MTA3: variants seen among roughly 807,000 people sequenced by gnomAD.
MTA3 encodes metastasis-associated protein MTA3.
Under a neutral mutation model 83.5 loss-of-function variants are expected in MTA3, and 34 were observed. The ratio of observed to expected loss-of-function variants is 0.41; its 90% CI spans 0.31 to 0.54. The LOEUF is 0.54. MTA3 is among the 20% of genes least tolerant of loss of function. MTA3 has a pLI of 0.33. For synonymous variants in MTA3, 303 were observed against 252.7 expected (o/e 1.20, Z -1.89); for missense variants, 761 against 726.4 (o/e 1.05, Z -0.55).
intron 8 of MTA3, among the ~76,000 whole-genome samples, chr2:42,674,608 T>C (rs1483285203): frequency 1.3e-5 from 2 of 149,868 alleles, no homozygotes; most frequent in East Asian, 1.9e-4. Flanking sequence ...TTTTTTTTTT[T>C]TTTTTTTTTG....
chr2:42,519,097 A>G (rs530614065), intron 2 of MTA3, among the ~76,000 whole-genome samples: 1 of 152,136 alleles, frequency 6.6e-6, no homozygotes, highest in Admixed American at 6.6e-5. Flanking sequence ...TACCCCAGCC[A>G]GTTGATCAAG....
intron 3 of MTA3, among the ~76,000 whole-genome samples, chr2:42,582,776 T>G (rs1679818529): frequency 6.6e-6 from 1 of 152,186 alleles, no homozygotes; most frequent in South Asian, 2.1e-4. Flanking sequence ...GAAAATTAAT[T>G]TATTCATAAT....
intron 2 of MTA3, among the ~76,000 whole-genome samples, chr2:42,545,524 T>C (rs1243028173): frequency 1.3e-5 from 2 of 151,984 alleles, no homozygotes; most frequent in African/African-American, 4.8e-5. Context: ...GGTTCCCAGA[T>C]AGAATCAATG....
chr2:42,695,253 C>T (rs868087219), intron 9 of MTA3, among the ~76,000 whole-genome samples: 18 of 151,938 alleles, frequency 1.2e-4, no homozygotes, highest in African/African-American at 4.1e-4. Flanking sequence ...GTTTGGGGTA[C>T]CGTTTGCTAA....
chr2:42,629,018 T>C (rs547114790), intron 4 of MTA3, among the ~76,000 whole-genome samples: 2 of 152,300 alleles, frequency 1.3e-5, no homozygotes, highest in South Asian at 4.1e-4. Flanking sequence ...AGGGATGGTA[T>C]ATCCAGTTTG....
At position 42,646,030 on chromosome 2, in the gene MTA3, C is replaced by A. The variant is rs186831206; in HGVS notation, c.499+1786C>A. ...TTGAAGCCAATCCTCGTTTACCATT[C>A]CAAAAATCCCAGACCTCTTAAGAAT... On this transcript the variant is annotated intron_variant, in intron 6 of 16. Coordinates refer to ENST00000405094, the MANE Select transcript of MTA3 (RefSeq NM_001330442.2). Among the ~76,000 whole-genome samples, 10 of 152,318 alleles carry A rather than the reference C, an allele frequency of 6.6e-5. No homozygotes were observed. The East Asian group carries it at 1.7e-3, about 26-fold the overall frequency.
chr2:42,594,728 A>ATATATATATATATATTTTTTTTTTTTTT, intron 3 of MTA3, among the ~76,000 whole-genome samples: 1 of 24,042 alleles, frequency 4.2e-5, no homozygotes, highest in Non-Finnish European at 6.5e-5. Context: ...ATATATATAT[A>ATATATATATATATATTTTTTTTTTTTTT]TTTTTTTTTT....
intron 2 of MTA3, among the ~76,000 whole-genome samples, chr2:42,528,294 C>CA (rs1675810035): frequency 6.7e-6 from 1 of 149,678 alleles, no homozygotes; most frequent in African/African-American, 2.5e-5. Context: ...GATCTCGGCT[C>CA]CTGCAGCCTC....
Position 42,728,299 on chromosome 2 carries a change from C to G in MTA3, c.1759+5264C>G, listed in dbSNP as rs137966432. 4.1e-4 allele frequency among the ~76,000 whole-genome samples: 63 copies of G among 152,228 alleles called. No homozygotes were observed. The East Asian group carries it at 0.012, about 29-fold the overall frequency. On this transcript the variant is annotated intron_variant, in intron 16 of 16. Transcript: ENST00000405094. ...ATTCTTTTTTGTCTGAATAGTACTCCATTGTGTATATGTACCACATTTTCT... is the reference window on the plus strand; with the variant it reads ...ATTCTTTTTTGTCTGAATAGTACTCGATTGTGTATATGTACCACATTTTCT...
intron 5 of MTA3, among the ~76,000 whole-genome samples, chr2:42,643,737 T>C (rs938014190): frequency 1.3e-5 from 2 of 152,236 alleles, no homozygotes; most frequent in Non-Finnish European, 2.9e-5. Context: ...CTGGTATCTG[T>C]GAAGTCTTCC....
chr2:42,546,895 A>T (rs545731840), intron 2 of MTA3, among the ~76,000 whole-genome samples: 18 of 152,304 alleles, frequency 1.2e-4, no homozygotes, highest in Admixed American at 4.6e-4. Context: ...GCAAATAACG[A>T]TACAATGTGG....
chr2:42,498,505 T>C (rs1028129847), intron 2 of MTA3, among the ~76,000 whole-genome samples: 1 of 152,196 alleles, frequency 6.6e-6, no homozygotes, highest in African/African-American at 2.4e-5. Flanking sequence ...GTATCATACA[T>C]AGTCAGCAGG....
At chr2:42,619,968 A>G (rs1327125155) in intron 4 of MTA3, among the ~76,000 whole-genome samples, 2 of 152,186 alleles carry the variant, frequency 1.3e-5, no homozygotes, top group Non-Finnish European at 2.9e-5. Context: ...AAGTAGTATA[A>G]TTTATTAGCT....
At chr2:42,562,814 T>C (rs1244044752) in intron 2 of MTA3, among the ~76,000 whole-genome samples, 1 of 152,120 alleles carries the variant, frequency 6.6e-6, no homozygotes, top group Non-Finnish European at 1.5e-5. Flanking sequence ...GGCCTTTTCA[T>C]CCAACTGTTT....
At chr2:42,558,607 T>G (rs920156338) in intron 2 of MTA3, among the ~76,000 whole-genome samples, 2 of 150,892 alleles carry the variant, frequency 1.3e-5, no homozygotes, top group African/African-American at 4.9e-5. Context: ...CAGGCTGGAG[T>G]GCAGTGGCAT....
In MTA3 at chr2:42,754,946, C is replaced by G; in HGVS notation, c.*1547C>G. 1 of 985,598 alleles carries G rather than the reference C, an allele frequency of 1.0e-6. No individual in the cohort carries two copies. The highest frequency in any genetic ancestry group is 1.2e-6 in the Non-Finnish European group (1 of 830,100). 61.1% of individuals were successfully genotyped at this position (985,598 alleles called of 1,614,324 possible). A position where few individuals can be genotyped will look rare whatever the true frequency, so the allele number is the denominator to read the frequency against. ...AGGAGTTGGTTCTCATCTTAGGCTT[C>G]TGCAAGGGCGAGCATGGGATGTCTC... On this transcript the variant is annotated 3_prime_UTR_variant, in exon 17 of 17. Transcript: ENST00000405094.
rs140261556 is a variant in MTA3 at position 42,592,020 on chromosome 2, T to C, written c.190+12820T>C. Among the ~76,000 whole-genome samples, 993 of 151,106 alleles carry C rather than the reference T, an allele frequency of 6.6e-3. 11 individuals are homozygous for C. The highest frequency in any genetic ancestry group is 0.021 in the African/African-American group (856 of 41,314). On this transcript the variant is annotated intron_variant, in intron 3 of 16. Coordinates refer to ENST00000405094, the MANE Select transcript of MTA3 (RefSeq NM_001330442.2). The stretch of plus-strand genomic sequence containing the variant: ...GGCTCACGCCTGTAATCCCAGCACT[T>C]TGGGGGGCTGAGGCTGGCAGATTGC...
chr2:42,665,267 C>T (rs768367212), intron 8 of MTA3, among the ~76,000 whole-genome samples: 27 of 152,174 alleles, frequency 1.8e-4, no homozygotes, highest in Non-Finnish European at 3.2e-4. Flanking sequence ...TGGCACGTGC[C>T]TGTAGTCCCA....
chr2:42,500,742 T>C (rs1674358052), intron 2 of MTA3, among the ~76,000 whole-genome samples: 1 of 150,968 alleles, frequency 6.6e-6, no homozygotes, highest in Non-Finnish European at 1.5e-5. Flanking sequence ...TATTAACAAG[T>C]ACAGCATAGT....
Sources: gnomAD v4.1 joint callset for allele counts (sites outside exome capture counted in the v4.1 genomes callset) on GRCh38, gnomAD v4.1.1 for gene constraint, MANE v1.5 for transcripts, NCBI Gene and HGNC (gene_info 2026-07-23, HGNC 2026-07-21) for gene names.